Variants in CLVS2 observed in about 807,000 individuals in gnomAD.
CLVS2 encodes clavesin 2.
CLVS2 carries 19 observed loss-of-function variants against 29.0 expected under a neutral mutation model. That is an observed-to-expected ratio of 0.66 (90% CI 0.46 to 0.96). CLVS2 has a LOEUF of 0.96. Among genes scored for constraint, CLVS2 ranks in the 40% least tolerant of loss-of-function variants. CLVS2 has a pLI of 0.00. For synonymous variants in CLVS2, 161 were observed against 151.3 expected, an observed-to-expected ratio of 1.06 and a Z score of -0.47; for missense variants, 294 against 404.1, an observed-to-expected ratio of 0.73 and a Z score of 2.34.
rs927209477 is a variant in CLVS2, at chr6:123,069,463, T to A, written c.*5702T>A. On this transcript the variant is annotated 3_prime_UTR_variant, in exon 6 of 6. Coordinates refer to ENST00000275162, the MANE Select transcript of CLVS2 (RefSeq NM_001010852.4). ...TATCCTATCTGTGGATGAAAAGTCATCTAATAAGGTATAAGAGACTCAATT... is the reference window on the plus strand; with the variant it reads ...TATCCTATCTGTGGATGAAAAGTCAACTAATAAGGTATAAGAGACTCAATT... The A allele has an allele frequency of 2.6e-5, 4 of 151,816 alleles. No individual in the cohort carries two copies. Among genetic ancestry groups the A allele is most frequent in the African/African-American group, 9.7e-5 (4 of 41,390 alleles). 9.4% of individuals were successfully genotyped at this position (151,816 alleles called of 1,614,324 possible). A position where few individuals can be genotyped will look rare whatever the true frequency, so the allele number is the denominator to read the frequency against.
chr6:123,024,756 G>A (rs1315486802), intron 3 of CLVS2, among the ~76,000 whole-genome samples: 2 of 152,076 alleles, frequency 1.3e-5, no homozygotes, highest in African/African-American at 2.4e-5. Flanking sequence ...CCAAGTTGTG[G>A]CATTTTAACA....
At chr6:123,007,104 CT>C (rs1341656354) in intron 2 of CLVS2, among the ~76,000 whole-genome samples, 1 of 151,966 alleles carries the variant, frequency 6.6e-6, no homozygotes, top group Non-Finnish European at 1.5e-5. Context: ...TCATTTTGTC[CT>C]CACAATAATT....
At chr6:123,048,754 A>G (rs1210009523) in intron 4 of CLVS2, 22 bp downstream of exon 4, 1 of 1,482,872 alleles carries the variant, frequency 6.7e-7, no homozygotes, top group African/African-American at 1.4e-5. Context: ...TTTGATTTTT[A>G]ATCCTTTCTC....
intron 3 of CLVS2, among the ~76,000 whole-genome samples, chr6:123,040,528 C>T (rs922745299): frequency 6.6e-6 from 1 of 152,184 alleles, no homozygotes; most frequent in African/African-American, 2.4e-5. Context: ...GGCGCAGTGG[C>T]TTATGCCTGT....
chr6:123,018,979 C>T (rs866774860), intron 3 of CLVS2, among the ~76,000 whole-genome samples: 1 of 152,048 alleles, frequency 6.6e-6, no homozygotes, highest in Non-Finnish European at 1.5e-5. Context: ...TGGTGCTGCT[C>T]CTTTTGATTC....
intron 3 of CLVS2, among the ~76,000 whole-genome samples, chr6:123,018,831 A>G (rs879013178): frequency 6.6e-6 from 1 of 152,076 alleles, no homozygotes; most frequent in Non-Finnish European, 1.5e-5. Flanking sequence ...AAAGTCAACT[A>G]CATTTTGAAA....
At chr6:123,025,690 A>G (rs927264520) in intron 3 of CLVS2, among the ~76,000 whole-genome samples, 1 of 152,170 alleles carries the variant, frequency 6.6e-6, no homozygotes, top group African/African-American at 2.4e-5. Context: ...TCCCCAGGGA[A>G]CATAAGTAAA....
rs1774662506 is a variant in CLVS2 at position 123,006,022 on chromosome 6, A to G, written c.390-4963A>G. On this transcript the variant is annotated intron_variant, in intron 2 of 5. Transcript: ENST00000275162. The stretch of plus-strand genomic sequence containing the variant: ...CTGAAGATAGAAAGTGGTATCAAAC[A>G]GTGAAAGAGTTTTTAAGCTAAGCTT... Among the ~76,000 whole-genome samples the G allele has an allele frequency of 1.3e-5, 2 of 152,208 alleles. 1 individual carries two copies. The highest frequency in any genetic ancestry group is 2.9e-5 in the Non-Finnish European group (2 of 68,044).
intron 3 of CLVS2, among the ~76,000 whole-genome samples, chr6:123,021,133 A>G (rs1207001432): frequency 6.6e-6 from 1 of 151,960 alleles, no homozygotes; most frequent in Non-Finnish European, 1.5e-5. Flanking sequence ...GTTTTACTAG[A>G]TATACAAATA....
At chr6:123,014,417 T>C (rs1432673865) in intron 3 of CLVS2, among the ~76,000 whole-genome samples, 1 of 152,076 alleles carries the variant, frequency 6.6e-6, no homozygotes, top group Non-Finnish European at 1.5e-5. Context: ...ACCATTATTA[T>C]ATATATTCAT....
intron 3 of CLVS2, among the ~76,000 whole-genome samples, chr6:123,039,725 A>G (rs991651107): frequency 5.9e-5 from 9 of 152,324 alleles, no homozygotes; most frequent in African/African-American, 2.2e-4. Flanking sequence ...AAGGCCATGT[A>G]TGTTTTGCTC....
chr6:123,054,996 G>A (rs1049534639), intron 4 of CLVS2, among the ~76,000 whole-genome samples: 5 of 152,108 alleles, frequency 3.3e-5, no homozygotes, highest in African/African-American at 1.2e-4. Flanking sequence ...CTTGACAAAA[G>A]TTGTTTTCAT....
At position 123,034,585 on chromosome 6, in the gene CLVS2, G is replaced by A. The variant is rs139369092; in HGVS notation, c.565-14037G>A. Among the ~76,000 whole-genome samples the A allele has an allele frequency of 3.9e-5, 6 of 152,246 alleles. No homozygotes were observed. The East Asian group carries it at 5.8e-4, about 15-fold the overall frequency. On this transcript the variant is annotated intron_variant, in intron 3 of 5. Transcript: ENST00000275162. ...GGAATTGAGGTCAGATAGATTGAGC[G>A]TTACTCTGAAGGGGTAGCATGAAGC... is the stretch of plus-strand genomic sequence containing the variant.
At chr6:123,051,174 G>A (rs9490639) in intron 4 of CLVS2, among the ~76,000 whole-genome samples, 15,092 of 151,994 alleles carry the variant, frequency 0.099, 2,546 homozygotes, top group African/African-American at 0.34. Flanking sequence ...GTTCTGAAAA[G>A]CTAGTAAAAG....
Position 123,031,126 on chromosome 6 carries a change from T to A in CLVS2, c.565-17496T>A, listed in dbSNP as rs542764690. On this transcript the variant is annotated intron_variant, in intron 3 of 5. Transcript: ENST00000275162. ...TTGTTGTATTTTTTGTGCACCACCA[T>A]GCCTGGCTAATTTTTTGTATTTTTT... 5.3e-5 allele frequency among the ~76,000 whole-genome samples: 8 copies of A among 152,012 alleles called. No individual in the cohort carries two copies. In the East Asian group the frequency reaches 1.4e-3, roughly 26 times the overall value.
Position 123,072,757 on chromosome 6 carries a change from C to T in CLVS2, c.*8996C>T, listed in dbSNP as rs1394301450. 1.3e-5 allele frequency: 2 copies of T among 151,954 alleles called. No homozygotes were observed. The highest frequency in any genetic ancestry group is 2.9e-5 in the Non-Finnish European group (2 of 67,930). The allele number at this position is 151,954 out of a possible 1,614,324, so 9.4% of individuals were successfully genotyped here. On this transcript the variant is annotated 3_prime_UTR_variant, in exon 6 of 6. Transcript: ENST00000275162. ...CTTGGTAAATTGTGTTAATTATGTC[C>T]ACTTTATAATGGATTTAACAATTTT... is the stretch of plus-strand genomic sequence containing the variant.
intron 3 of CLVS2, among the ~76,000 whole-genome samples, chr6:123,026,262 A>G (rs1185918997): frequency 6.6e-6 from 1 of 152,166 alleles, no homozygotes; most frequent in Non-Finnish European, 1.5e-5. Flanking sequence ...ATATGATACT[A>G]ATAGGACTAT....
chr6:123,047,689 A>G (rs1772538492), intron 3 of CLVS2, among the ~76,000 whole-genome samples: 1 of 151,990 alleles, frequency 6.6e-6, no homozygotes, highest in Non-Finnish European at 1.5e-5. Context: ...TCTAAATAGA[A>G]TTCAGAAGAA....
chr6:123,002,261 G>A (rs7762275), intron 2 of CLVS2, among the ~76,000 whole-genome samples: 110,758 of 151,622 alleles, frequency 0.73, 40,912 homozygotes, highest in East Asian at 0.91. Context: ...ACTTACAGTA[G>A]CGAAGCTCTG....
Sources: allele counts gnomAD v4.1 joint callset (sites outside exome capture counted in the v4.1 genomes callset), GRCh38; gene constraint gnomAD v4.1.1; transcripts MANE v1.5; gene names NCBI Gene and HGNC (gene_info 2026-07-23, HGNC 2026-07-21).